Variants in MAML3 observed in about 807,000 individuals in gnomAD.
The protein encoded by MAML3 is mastermind like transcriptional coactivator 3.
A neutral mutation model predicts 101.9 loss-of-function variants in MAML3; 27 were observed. The ratio of observed to expected loss-of-function variants is 0.27; its 90% CI spans 0.20 to 0.37. MAML3 has a LOEUF of 0.37. Ranked by LOEUF, MAML3 falls within the 10% of genes least tolerant of loss-of-function variation. The pLI, the probability that MAML3 is intolerant of heterozygous loss-of-function variation, is 1.00. For missense variants in MAML3, 1,316 were observed against 1,444.9 expected (o/e 0.91, Z 1.45); for synonymous variants, 501 against 555.9 (o/e 0.90, Z 1.39).
intron 1 of MAML3, among the ~76,000 whole-genome samples, chr4:139,898,006 A>G (rs1295089677): frequency 6.6e-6 from 1 of 152,160 alleles, no homozygotes; most frequent in Non-Finnish European, 1.5e-5. Context: ...GACCAATTCT[A>G]TGTGTCCTTT....
intron 2 of MAML3, among the ~76,000 whole-genome samples, chr4:139,830,103 T>G (rs1201425931): frequency 6.6e-6 from 1 of 152,144 alleles, no homozygotes; most frequent in Non-Finnish European, 1.5e-5. Flanking sequence ...TATATAGAGA[T>G]AGATTTCAGC....
intron 1 of MAML3, among the ~76,000 whole-genome samples, chr4:139,927,783 C>T (rs1473885411): frequency 6.6e-6 from 1 of 152,150 alleles, no homozygotes; most frequent in African/African-American, 2.4e-5. Flanking sequence ...TTTGACAAGC[C>T]CATGTCTTTT....
intron 1 of MAML3, among the ~76,000 whole-genome samples, chr4:140,030,019 G>T (rs569295096): frequency 6.6e-6 from 1 of 151,190 alleles, no homozygotes; most frequent in South Asian, 2.1e-4. Flanking sequence ...TTAACATTCT[G>T]TGAGTAGGAA....
intron 1 of MAML3, among the ~76,000 whole-genome samples, chr4:140,001,652 C>G (rs1734927412): frequency 6.6e-6 from 1 of 152,174 alleles, no homozygotes; most frequent in Non-Finnish European, 1.5e-5. Flanking sequence ...TATTAACTAA[C>G]CCAACAATAT....
At chr4:140,146,422 T>A (rs1357765934) in intron 1 of MAML3, among the ~76,000 whole-genome samples, 1 of 152,216 alleles carries the variant, frequency 6.6e-6, no homozygotes, top group African/African-American at 2.4e-5. Context: ...TCTTTAAGTA[T>A]TTATTATACA....
intron 2 of MAML3, among the ~76,000 whole-genome samples, chr4:139,769,308 A>G (rs1239140106): frequency 6.6e-6 from 1 of 152,142 alleles, no homozygotes; most frequent in East Asian, 1.9e-4. Flanking sequence ...AGGTAGTAGA[A>G]GAAGAGTCAA....
chr4:139,910,692 C>A (rs980884945), intron 1 of MAML3, among the ~76,000 whole-genome samples: 1 of 151,964 alleles, frequency 6.6e-6, no homozygotes, highest in Non-Finnish European at 1.5e-5. Context: ...GGAAAAAAGG[C>A]ATCATAGGTT....
intron 2 of MAML3, among the ~76,000 whole-genome samples, chr4:139,807,388 C>T (rs571100050): frequency 5.3e-5 from 8 of 152,238 alleles, no homozygotes; most frequent in Non-Finnish European, 1.2e-4. Context: ...AGCCTCGATT[C>T]GGAATTACCT....
chr4:139,976,278 T>C (rs1350815957), intron 1 of MAML3, among the ~76,000 whole-genome samples: 1 of 152,186 alleles, frequency 6.6e-6, no homozygotes, highest in Non-Finnish European at 1.5e-5. Flanking sequence ...CTTCATTATG[T>C]TTTCTCCTCC....
chr4:140,013,228 C>T (rs145583754), intron 1 of MAML3, among the ~76,000 whole-genome samples: 11 of 152,262 alleles, frequency 7.2e-5, no homozygotes, highest in African/African-American at 2.6e-4. Context: ...GGGGCACGCA[C>T]GCATCTCAGT....
In MAML3 at chr4:139,799,239, G is replaced by A. The variant is rs17050917; in HGVS notation, c.2080-68572C>T. Among the ~76,000 whole-genome samples the A allele has an allele frequency of 3.8e-3, 576 of 152,308 alleles. 7 individuals are homozygous for A. Among genetic ancestry groups the A allele is most frequent in the East Asian group, 0.037 (190 of 5,182 alleles). ...TGTGAAGTACTACACATAATTAAGC[G>A]ACCAACTTCTAAAGCAAATCACTTT... is the stretch of plus-strand genomic sequence containing the variant. On this transcript the variant is annotated intron_variant, in intron 2 of 4. Transcript: ENST00000509479.
chr4:140,069,372 AAGAAGAAGAAGAAGGAGG>A (rs1488923196), intron 1 of MAML3, among the ~76,000 whole-genome samples: 4 of 129,974 alleles, frequency 3.1e-5, no homozygotes, highest in African/African-American at 1.2e-4. Context: ...GAAGAAGAAG[AAGAAGAAGAAGAAGGAGG>A]AGGAGGAGGA....
At chr4:140,046,707 G>C (rs1440375659) in intron 1 of MAML3, among the ~76,000 whole-genome samples, 1 of 151,906 alleles carries the variant, frequency 6.6e-6, no homozygotes, top group Non-Finnish European at 1.5e-5. Flanking sequence ...CTCTGGGCCT[G>C]AATCACTTAA....
chr4:139,991,336 A>G (rs950637384), intron 1 of MAML3, among the ~76,000 whole-genome samples: 3 of 152,202 alleles, frequency 2.0e-5, no homozygotes, highest in African/African-American at 7.2e-5. Context: ...TGCTGGGAAA[A>G]CAGGCTAGCC....
chr4:139,928,794 C>A (rs1733319095), intron 1 of MAML3, among the ~76,000 whole-genome samples: 1 of 151,994 alleles, frequency 6.6e-6, no homozygotes, highest in Non-Finnish European at 1.5e-5. Flanking sequence ...AGAGCCCCTG[C>A]AAGTTTGTGA....
rs143760977 is a variant in MAML3 at position 140,095,985 on chromosome 4, C to T, written c.468+56875G>A. On this transcript the variant is annotated intron_variant, in intron 1 of 4. Transcript: ENST00000509479. ...CCTGTGTAGTCTCAGCACCCAGTTA[C>T]ACACTGTGGGCTCCTGTTACACACA... is the stretch of plus-strand genomic sequence containing the variant. Among the ~76,000 whole-genome samples, 8 of 152,138 alleles carry T rather than the reference C, an allele frequency of 5.3e-5. No homozygotes were observed. The East Asian group carries it at 9.7e-4, about 18-fold the overall frequency.
chr4:140,084,816 C>T (rs779751181), intron 1 of MAML3, among the ~76,000 whole-genome samples: 14 of 152,144 alleles, frequency 9.2e-5, no homozygotes, highest in Non-Finnish European at 1.6e-4. Flanking sequence ...ATGACTTGAA[C>T]ACATTGTGTT....
At chr4:139,895,340 T>C (rs958046901) in intron 1 of MAML3, among the ~76,000 whole-genome samples, 3 of 152,242 alleles carry the variant, frequency 2.0e-5, no homozygotes, top group African/African-American at 7.2e-5. Context: ...AGGCAGGGGT[T>C]CTTCCATTTT....
Position 139,990,478 on chromosome 4 carries a change from T to G in MAML3, c.469-99511A>C, listed in dbSNP as rs1183376637. Among the ~76,000 whole-genome samples the G allele has an allele frequency of 2.0e-5, 3 of 150,150 alleles. No individual in the cohort carries two copies. The East Asian group carries it at 5.8e-4, about 29-fold the overall frequency. On this transcript the variant is annotated intron_variant, in intron 1 of 4. Coordinates refer to ENST00000509479, the MANE Select transcript of MAML3 (RefSeq NM_018717.5). Reference sequence around the variant, plus strand: ...GGGCAAAAACTGGAAGCATTCCCTTTGAAAACTGGCACAAGACAGGGATGC... The same window carrying G: ...GGGCAAAAACTGGAAGCATTCCCTTGGAAAACTGGCACAAGACAGGGATGC...
Sources: gnomAD v4.1 joint callset for allele counts (sites outside exome capture counted in the v4.1 genomes callset) on GRCh38, gnomAD v4.1.1 for gene constraint, MANE v1.5 for transcripts, NCBI Gene and HGNC (gene_info 2026-07-23, HGNC 2026-07-21) for gene names.